NAV3: variants seen among roughly 807,000 people sequenced by gnomAD.
NAV3 encodes neuron navigator 3.
NAV3 carries 87 observed loss-of-function variants against 244.7 expected under a neutral mutation model. The ratio of observed to expected loss-of-function variants is 0.36; its 90% CI spans 0.30 to 0.42. The LOEUF is 0.42. Ranked by LOEUF, NAV3 falls within the 20% of genes least tolerant of loss-of-function variation. The probability of loss-of-function intolerance (pLI) is 1.00; values close to 1 mark genes in which losing one functional copy is unlikely to be tolerated. For missense variants in NAV3, 2,663 were observed against 2,893.3 expected (o/e 0.92, Z 1.83); for synonymous variants, 1,126 against 1,042.2 (o/e 1.08, Z -1.55).
chr12:78,126,414 C>T (rs1413676322), intron 16 of NAV3, among the ~76,000 whole-genome samples: 1 of 152,146 alleles, frequency 6.6e-6, no homozygotes, highest in South Asian at 2.1e-4. Flanking sequence ...AAAGAAATCC[C>T]TAAACTTGTC....
chr12:77,758,563 A>G (rs184200409), intron 2 of NAV3, among the ~76,000 whole-genome samples: 1 of 152,352 alleles, frequency 6.6e-6, no homozygotes, highest in East Asian at 1.9e-4. Flanking sequence ...TTTTGTATTT[A>G]TACTTTTATT....
At chr12:77,713,700 A>C (rs1412614790) in intron 2 of NAV3, among the ~76,000 whole-genome samples, 2 of 152,056 alleles carry the variant, frequency 1.3e-5, no homozygotes, top group Admixed American at 6.6e-5. Flanking sequence ...CTTGCATTTT[A>C]TCTCTCTCTG....
In NAV3 at chr12:78,007,304, G is replaced by T. The variant is rs1178520920; in HGVS notation, c.1766G>T (p.Gly589Val). ...CPAPLEGREA[G>V]QASPSGSCTM... ...GCCCCTTTGGAAGGAAGGGAAGCTG[G>T]CCAAGCTTCTCCTTCTGGTTCCTGT... The change falls in exon 8 of 40, where the codon GGC becomes GTC. Residue 589 changes from glycine (G) to valine (V), a missense_variant. Physicochemically the swap from Gly to Val is moderately radical, Grantham distance 109. Around this residue, in one of 6 missense-constraint regions of NAV3, gnomAD observed 1,521 missense variants for 1,497.0 expected, o/e 1.02. Transcript: ENST00000397909. 1.9e-6 allele frequency: 3 copies of T among 1,614,042 alleles called. No individual in the cohort carries two copies. Among genetic ancestry groups the T allele is most frequent in the Admixed American group, 3.3e-5 (2 of 60,004 alleles).
intron 2 of NAV3, among the ~76,000 whole-genome samples, chr12:77,752,720 A>T (rs1868924025): frequency 1.3e-5 from 2 of 152,154 alleles, no homozygotes; most frequent in Non-Finnish European, 2.9e-5. Context: ...TCTCTACTTT[A>T]TAGAGCTCTT....
intron 1 of NAV3, among the ~76,000 whole-genome samples, chr12:77,843,989 G>C (rs552052677): frequency 1.3e-5 from 2 of 152,332 alleles, no homozygotes; most frequent in South Asian, 2.1e-4. Flanking sequence ...GTGCAATTCT[G>C]TACAGTGGCT....
chr12:77,671,687 A>G (rs1407719870), intron 2 of NAV3, among the ~76,000 whole-genome samples: 1 of 151,754 alleles, frequency 6.6e-6, no homozygotes, highest in Non-Finnish European at 1.5e-5. Flanking sequence ...TCGACAAATG[A>G]TGGGATAATT....
At chr12:77,633,404 G>C (rs1025596772) in intron 2 of NAV3, among the ~76,000 whole-genome samples, 4 of 151,866 alleles carry the variant, frequency 2.6e-5, no homozygotes, top group Admixed American at 2.6e-4. Flanking sequence ...ATCTATAATT[G>C]TATATCAAGT....
At chr12:78,015,198 T>C (rs188873349) in intron 8 of NAV3, among the ~76,000 whole-genome samples, 177 of 152,240 alleles carry the variant, frequency 1.2e-3, no homozygotes, top group Admixed American at 3.1e-3. Context: ...CATTTTAATC[T>C]TACAGAAAAT....
At chr12:77,809,381 T>A (rs1488959032) in intron 2 of NAV3, among the ~76,000 whole-genome samples, 1 of 152,202 alleles carries the variant, frequency 6.6e-6, no homozygotes, top group African/African-American at 2.4e-5. Flanking sequence ...AATGCACCTT[T>A]CCTCACAGCA....
In NAV3 at chr12:78,118,235, T is replaced by G. The variant is rs1566158664; in HGVS notation, c.2978T>G (p.Met993Arg). The change falls in exon 14 of 40, where the codon ATG becomes AGG. Residue 993 changes from methionine (M) to arginine (R), a missense_variant. Coordinates refer to ENST00000397909, the MANE Select transcript of NAV3 (RefSeq NM_001024383.2). The stretch of plus-strand genomic sequence containing the variant: ...CAGACAGGTTCCTGGAGAAGAGGCA[T>G]GTCTGCCCAAGGAGGGGCGCCATCT... ...VSQTGSWRRG[M>R]SAQGGAPSRQ... is the part of the protein sequence containing the mutation. The G allele has an allele frequency of 6.2e-7, 1 of 1,613,522 alleles. No homozygotes were observed. Among genetic ancestry groups the G allele is most frequent in the Admixed American group, 1.7e-5 (1 of 59,996 alleles).
intron 2 of NAV3, among the ~76,000 whole-genome samples, chr12:77,808,954 C>CGGT (rs1565822114): frequency 6.6e-6 from 1 of 152,180 alleles, no homozygotes; most frequent in African/African-American, 2.4e-5. Context: ...TCGAATTTTC[C>CGGT]GGTGGCTTTT....
intron 2 of NAV3, among the ~76,000 whole-genome samples, chr12:77,679,448 G>A (rs993576220): frequency 1.2e-4 from 18 of 152,232 alleles, no homozygotes; most frequent in Admixed American, 7.8e-4. Flanking sequence ...TGAAAGGGAA[G>A]ATGAGTTGTT....
At chr12:77,741,148 C>G (rs77668386) in intron 2 of NAV3, among the ~76,000 whole-genome samples, 3 of 68,666 alleles carry the variant, frequency 4.4e-5, no homozygotes, top group Non-Finnish European at 5.3e-5. Flanking sequence ...AAAAAAAAGA[C>G]AAAAAAAAAA....
chr12:77,953,730 C>A (rs1312681957), intron 3 of NAV3, among the ~76,000 whole-genome samples: 1 of 152,102 alleles, frequency 6.6e-6, no homozygotes, highest in Non-Finnish European at 1.5e-5. Context: ...ATCCTCTCTG[C>A]CCCCAGCACT....
Position 77,897,609 on chromosome 12 carries a change from T to C in NAV3, c.244-42710T>C, listed in dbSNP as rs78681818. 4.6e-3 allele frequency among the ~76,000 whole-genome samples: 696 copies of C among 152,240 alleles called. 4 individuals are homozygous for C. The highest frequency in any genetic ancestry group is 0.016 in the African/African-American group (658 of 41,552). On this transcript the variant is annotated intron_variant, in intron 1 of 39. Coordinates refer to ENST00000397909, the MANE Select transcript of NAV3 (RefSeq NM_001024383.2). Reference sequence around the variant, plus strand: ...GTCCTAGGCTTCATACTTATCTGGCTCCTGTGGCTCCCTCTTTGACTTATT... The same window carrying C: ...GTCCTAGGCTTCATACTTATCTGGCCCCTGTGGCTCCCTCTTTGACTTATT...
intron 2 of NAV3, among the ~76,000 whole-genome samples, chr12:77,639,187 T>A (rs1872284136): frequency 6.6e-6 from 1 of 152,128 alleles, no homozygotes; most frequent in African/African-American, 2.4e-5. Context: ...GTAAACAGAT[T>A]TAAAAAAATT....
At position 77,788,796 on chromosome 12, in the gene NAV3, TAAGTAC is replaced by T. The variant is rs1871029987; in HGVS notation, c.73-151522_73-151517del. Among the ~76,000 whole-genome samples, 3 of 152,250 alleles carry T rather than the reference TAAGTAC, an allele frequency of 2.0e-5. No homozygotes were observed. The South Asian group carries it at 6.2e-4, about 32-fold the overall frequency. On this transcript the variant is annotated intron_variant, in intron 2 of 8. Coordinates refer to the NAV3 transcript ENST00000550042. ...CACAGTAATTGAGATTCCAAAAGAT[TAAGTAC>T]TTGTACTAGGTTAAAACAAGACAAA...
At position 78,205,071 on chromosome 12, in the gene NAV3, G is replaced by T; in HGVS notation, c.6971G>T (p.Cys2324Phe). The T allele has an allele frequency of 6.2e-7, 1 of 1,613,460 alleles. No homozygotes were observed. The highest frequency in any genetic ancestry group is 8.5e-7 in the Non-Finnish European group (1 of 1,179,726). The change falls in exon 39 of 40, where the codon TGC (cysteine) becomes TTC (phenylalanine). Residue 2324 changes from cysteine to phenylalanine, a missense_variant. Coordinates refer to ENST00000397909, the MANE Select transcript of NAV3 (RefSeq NM_001024383.2). ...LRPEDVGYES[C>F]TSTKEATTSK... ...CCAGAAGATGTTGGGTATGAAAGCTGCACATCCACTAAGGAAGCCACAACC... is the reference window on the plus strand; with the variant it reads ...CCAGAAGATGTTGGGTATGAAAGCTTCACATCCACTAAGGAAGCCACAACC...
chr12:77,610,324 A>G (rs1315228604), intron 2 of NAV3, among the ~76,000 whole-genome samples: 3 of 152,064 alleles, frequency 2.0e-5, no homozygotes, highest in Non-Finnish European at 4.4e-5. Context: ...ATATATATAC[A>G]TTTAAGTACA....
Sources: gnomAD v4.1 joint callset for allele counts (sites outside exome capture counted in the v4.1 genomes callset) on GRCh38, gnomAD v4.1.1 for gene constraint, gnomAD v4.1.1 regional missense constraint, MANE v1.5 for transcripts, NCBI Gene and HGNC (gene_info 2026-07-23, HGNC 2026-07-21) for gene names.